MN1: variants seen among roughly 807,000 people sequenced by gnomAD.
The protein encoded by MN1 is MN1 proto-oncogene, transcriptional regulator, also known as transcriptional activator MN1.
In MN1, 19 loss-of-function variants were observed where a neutral mutation model predicts 86.9. The observed-to-expected ratio is 0.22, with a 90% confidence interval of 0.15 to 0.32. MN1 has a LOEUF of 0.32. MN1 is among the 10% of genes least tolerant of loss of function. The pLI is 1.00. For missense variants in MN1, 1,841 were observed against 1,862.0 expected (o/e 0.99, Z 0.21); for synonymous variants, 928 against 849.6 (o/e 1.09, Z -1.60).
At chr22:27,794,072 C>G (rs546197145) in intron 1 of MN1, among the ~76,000 whole-genome samples, 160 of 152,130 alleles carry the variant, frequency 1.1e-3, no homozygotes, top group Non-Finnish European at 1.8e-3. Context: ...GCTAATGGGA[C>G]CATGAGCATG....
chr22:27,761,373 T>C (rs1293556852), intron 1 of MN1, among the ~76,000 whole-genome samples: 1 of 150,932 alleles, frequency 6.6e-6, no homozygotes, highest in Non-Finnish European at 1.5e-5. Context: ...TCTTATTCTC[T>C]AGTTCTTCTT....
intron 1 of MN1, among the ~76,000 whole-genome samples, chr22:27,764,711 C>T (rs1301173217): frequency 6.6e-6 from 1 of 152,186 alleles, no homozygotes; most frequent in East Asian, 1.9e-4. Flanking sequence ...CCGGGCAGGG[C>T]TGCCAGGAGA....
At chr22:27,752,036 G>A (rs939032661) in intron 1 of MN1, among the ~76,000 whole-genome samples, 6 of 152,148 alleles carry the variant, frequency 3.9e-5, no homozygotes, top group South Asian at 2.1e-4. Context: ...TCCCTCCTAC[G>A]CTCTGGCCTT....
Position 27,798,264 on chromosome 22 carries a change from A to T in MN1, c.2280T>A (p.Gly760=). ...CGCTGGGGGGCGAGTTCACGCCTGGACCGCTGTGCGGCGTGGACTGCCGGC... is the reference window on the plus strand; with the variant it reads ...CGCTGGGGGGCGAGTTCACGCCTGGTCCGCTGTGCGGCGTGGACTGCCGGC... ...AAGRQSTPHS[G]PGVNSPPSAG... The change falls in exon 1 of 2, where the codon GGT becomes GGA. Residue 760 remains glycine, a synonymous_variant. Coordinates refer to ENST00000302326, the MANE Select transcript of MN1 (RefSeq NM_002430.3). The T allele has an allele frequency of 6.5e-7, 1 of 1,527,842 alleles. No homozygotes were observed. Among genetic ancestry groups the T allele is most frequent in the Non-Finnish European group, 8.7e-7 (1 of 1,148,198 alleles). 94.6% of individuals were successfully genotyped at this position (1,527,842 alleles called of 1,614,324 possible).
At chr22:27,765,474 C>T (rs1257488144) in intron 1 of MN1, among the ~76,000 whole-genome samples, 2 of 152,188 alleles carry the variant, frequency 1.3e-5, no homozygotes, top group Non-Finnish European at 2.9e-5. Context: ...TTTCTGAAGC[C>T]GAATGAGTCA....
intron 1 of MN1, among the ~76,000 whole-genome samples, chr22:27,780,553 T>C (rs1933039658): frequency 6.6e-6 from 1 of 152,150 alleles, no homozygotes; most frequent in Non-Finnish European, 1.5e-5. Flanking sequence ...TATCAGAGCA[T>C]TTATTTTTCT....
rs1391777185 is a variant in MN1, at chr22:27,751,836, A to G, written c.3782-740T>C. The stretch of plus-strand genomic sequence containing the variant: ...AAGACTAGACGCCCACAGCTCCCCA[A>G]GCCCCATGTGCTCCCCAATCCCCAA... On this transcript the variant is annotated intron_variant, in intron 1 of 1. Coordinates refer to ENST00000302326, the MANE Select transcript of MN1 (RefSeq NM_002430.3). Among the ~76,000 whole-genome samples, 5 of 152,064 alleles carry G rather than the reference A, an allele frequency of 3.3e-5. No homozygotes were observed. In the South Asian group the frequency reaches 1.0e-3, roughly 31 times the overall value.
chr22:27,795,730 C>A (rs1194496147), intron 1 of MN1, among the ~76,000 whole-genome samples: 1 of 151,928 alleles, frequency 6.6e-6, no homozygotes, highest in African/African-American at 2.4e-5. Flanking sequence ...TATACACACA[C>A]ACACACACAC....
At chr22:27,795,749 T>C (rs561107309) in intron 1 of MN1, among the ~76,000 whole-genome samples, 22 of 152,236 alleles carry the variant, frequency 1.4e-4, no homozygotes, top group African/African-American at 4.3e-4. Flanking sequence ...ACGCACTTTA[T>C]ATACAGACAT....
chr22:27,768,283 C>G (rs1404189184), intron 1 of MN1, among the ~76,000 whole-genome samples: 1 of 152,180 alleles, frequency 6.6e-6, no homozygotes, highest in Non-Finnish European at 1.5e-5. Flanking sequence ...GGGAGAGAGT[C>G]TGATTCAAGC....
At chr22:27,767,722 A>G (rs1480655618) in intron 1 of MN1, among the ~76,000 whole-genome samples, 1 of 151,752 alleles carries the variant, frequency 6.6e-6, no homozygotes, top group Non-Finnish European at 1.5e-5. Context: ...CCACCGCTCC[A>G]ACAACATCTC....
chr22:27,767,607 C>A (rs994601991), intron 1 of MN1, among the ~76,000 whole-genome samples: 21 of 152,160 alleles, frequency 1.4e-4, no homozygotes, highest in African/African-American at 4.8e-4. Context: ...GAAAGGCCAC[C>A]TTCCCAACCA....
rs563031143 is a variant in MN1, at chr22:27,773,828, TA to T, written c.3782-22733del. Among the ~76,000 whole-genome samples the T allele has an allele frequency of 2.1e-3, 326 of 152,314 alleles. 3 individuals are homozygous for T. Among genetic ancestry groups the T allele is most frequent in the Non-Finnish European group, 3.7e-3 (255 of 68,038 alleles). ...CGCCACCATGCCCAGCTAATTTTTG[TA>T]TTTTTAGTAGAGACTGAGTTTCGCC... On this transcript the variant is annotated intron_variant, in intron 1 of 1. Coordinates refer to ENST00000302326, the MANE Select transcript of MN1 (RefSeq NM_002430.3).
intron 1 of MN1, among the ~76,000 whole-genome samples, 186 bp from the exon 2 acceptor site, chr22:27,751,282 T>C (rs1601319741): frequency 1.3e-5 from 2 of 152,192 alleles, no homozygotes; most frequent in Admixed American, 6.5e-5. Flanking sequence ...CCCTGATTCA[T>C]CTGTGAGATC....
chr22:27,778,949 G>A (rs1480723419), intron 1 of MN1, among the ~76,000 whole-genome samples: 6 of 152,180 alleles, frequency 3.9e-5, no homozygotes, highest in East Asian at 3.9e-4. Flanking sequence ...GAAATGAGGT[G>A]GGCGGGGCTG....
chr22:27,777,574 T>G (rs1601333132), intron 1 of MN1, among the ~76,000 whole-genome samples: 1 of 147,116 alleles, frequency 6.8e-6, no homozygotes, highest in Non-Finnish European at 1.5e-5. Flanking sequence ...AAAATAAAAG[T>G]CCAGCCCAGC....
rs368091904 is a variant in MN1, at chr22:27,797,736, G to A, written c.2808C>T (p.Ser936=). 3 of 1,611,398 alleles carry A rather than the reference G, an allele frequency of 1.9e-6. No individual in the cohort carries two copies. The highest frequency in any genetic ancestry group is 1.1e-5 in the South Asian group (1 of 90,918). The change falls in exon 1 of 2, where the codon TCC becomes TCT. Residue 936 remains serine (S), a synonymous_variant. Transcript: ENST00000302326. ...STSGNDGKPV[S]GGGGRGRGRR... ...GACCCCGTCCCCGGCCGCCGCCCCC[G>A]GAGACCGGCTTGCCGTCATTCCCCG... is the stretch of plus-strand genomic sequence containing the variant.
chr22:27,761,882 G>A (rs45494191), intron 1 of MN1, among the ~76,000 whole-genome samples: 1,547 of 152,344 alleles, frequency 0.01, 35 homozygotes, highest in African/African-American at 0.036. Context: ...ACTGGCCGAG[G>A]GCTCCACAGA....
chr22:27,777,448 G>A (rs1047865023), intron 1 of MN1, among the ~76,000 whole-genome samples: 11 of 151,694 alleles, frequency 7.3e-5, no homozygotes, highest in Non-Finnish European at 8.8e-5. Context: ...TGGGAGGATC[G>A]CGTGAGCCCA....
Sources: gnomAD v4.1 joint callset for allele counts (sites outside exome capture counted in the v4.1 genomes callset) on GRCh38, gnomAD v4.1.1 for gene constraint, MANE v1.5 for transcripts, NCBI Gene and HGNC (gene_info 2026-07-23, HGNC 2026-07-21) for gene names.